DIAPH2: variants seen among roughly 807,000 people sequenced by gnomAD.
DIAPH2 encodes the protein diaphanous related formin 2.
DIAPH2 carries 35 observed loss-of-function variants against 92.7 expected under a neutral mutation model. The ratio of observed to expected loss-of-function variants is 0.38; its 90% confidence interval spans 0.29 to 0.50. The LOEUF is 0.50. Ranked by LOEUF, DIAPH2 falls within the 20% of genes least tolerant of loss-of-function variation. The pLI, the probability that DIAPH2 is intolerant of heterozygous loss-of-function variation, is 0.94. For missense variants in DIAPH2, 701 were observed against 819.5 expected, an observed-to-expected ratio of 0.86 and a Z score of 1.77; for synonymous variants, 301 against 280.4, an observed-to-expected ratio of 1.07 and a Z score of -0.73.
intron 26 of DIAPH2, among the ~76,000 whole-genome samples, chrX:97,450,303 T>C (rs192951501): frequency 8.9e-6 from 1 of 111,775 alleles, no homozygotes; most frequent in East Asian, 2.8e-4. Flanking sequence ...TTTACAGTGG[T>C]TCGAATGTAA....
chrX:97,092,966 C>G (rs1299152926), intron 19 of DIAPH2, among the ~76,000 whole-genome samples: 1 of 110,597 alleles, frequency 9.0e-6, no homozygotes, highest in African/African-American at 3.3e-5. Flanking sequence ...AGGAGAATTG[C>G]TTGAGCCCAG....
chrX:97,579,565 C>G (rs2071423681), intron 26 of DIAPH2, among the ~76,000 whole-genome samples: 1 of 111,288 alleles, frequency 9.0e-6, no homozygotes, highest in African/African-American at 3.3e-5. Flanking sequence ...GTTTTGGTTA[C>G]TGTAGCCTTG....
intron 22 of DIAPH2, among the ~76,000 whole-genome samples, chrX:97,236,640 G>C (rs2147533587): frequency 9.4e-6 from 1 of 106,480 alleles, no homozygotes; most frequent in Non-Finnish European, 1.9e-5. Flanking sequence ...CACCTCCCGG[G>C]TTCACGCCAT....
At chrX:96,769,504 C>T (rs2064324509) in intron 4 of DIAPH2, among the ~76,000 whole-genome samples, 1 of 111,906 alleles carries the variant, frequency 8.9e-6, no homozygotes, top group Admixed American at 9.5e-5. Context: ...ATTCTAATAA[C>T]ATTTACCTGC....
chrX:97,026,240 T>C (rs1395182846), intron 17 of DIAPH2, among the ~76,000 whole-genome samples: 2 of 112,183 alleles, frequency 1.8e-5, no homozygotes, highest in Non-Finnish European at 3.8e-5. Flanking sequence ...TTATGGGGAC[T>C]CATATTGTTG....
rs1454681027 is a variant in DIAPH2 at position 97,066,106 on chromosome X, TG to T, written c.2051-6833del. 2.7e-5 allele frequency among the ~76,000 whole-genome samples: 3 copies of T among 111,980 alleles called. No homozygotes were observed. The Admixed American group carries it at 2.8e-4, about 11-fold the overall frequency. ...TGAAGAAAGAACATTTCTGTGAATT[TG>T]GTGTAGCCTATGTGTACAGCCTATG... On this transcript the variant is annotated intron_variant, in intron 17 of 26. Transcript: ENST00000324765.
chrX:97,276,480 C>T (rs1728288481), intron 23 of DIAPH2, among the ~76,000 whole-genome samples: 1 of 111,461 alleles, frequency 9.0e-6, no homozygotes, highest in African/African-American at 3.3e-5. Flanking sequence ...AAAGTTCCAA[C>T]CACATCTTGT....
chrX:97,247,640 T>C, intron 22 of DIAPH2, 75 bp from the exon 23 acceptor site: 1 of 986,591 alleles, frequency 1.0e-6, no homozygotes, highest in Non-Finnish European at 1.4e-6. Flanking sequence ...AGACTTTAAC[T>C]GATAATGTCT....
intron 26 of DIAPH2, chrX:97,442,074 T>C (rs2070265084): frequency 8.8e-6 from 1 of 113,054 alleles, no homozygotes; most frequent in South Asian, 3.6e-4. Context: ...TCTGTTCTCC[T>C]ACACAATATT....
At chrX:97,120,715 G>T (rs773890667) in intron 21 of DIAPH2, among the ~76,000 whole-genome samples, 17 of 104,595 alleles carry the variant, frequency 1.6e-4, no homozygotes, top group African/African-American at 6.1e-4. Flanking sequence ...TGTGGCCCAG[G>T]GAAGCCAAAA....
At chrX:96,720,889 T>C (rs767338940) in intron 1 of DIAPH2, among the ~76,000 whole-genome samples, 2 of 111,742 alleles carry the variant, frequency 1.8e-5, no homozygotes, top group South Asian at 3.7e-4. Flanking sequence ...AATTAAAACA[T>C]ATGAGATGTA....
chrX:96,991,060 T>C (rs2066066266), intron 17 of DIAPH2, among the ~76,000 whole-genome samples: 1 of 111,288 alleles, frequency 9.0e-6, no homozygotes, highest in African/African-American at 3.3e-5. Flanking sequence ...TTGTCTTACA[T>C]GCATCAACTC....
intron 4 of DIAPH2, among the ~76,000 whole-genome samples, chrX:96,870,649 C>T (rs2065135436): frequency 9.0e-6 from 1 of 110,603 alleles, no homozygotes; most frequent in African/African-American, 3.3e-5. Context: ...ATCCTTTGGC[C>T]ATTTTACTAT....
At chrX:97,586,788 A>G (rs2071481902) in intron 26 of DIAPH2, among the ~76,000 whole-genome samples, 1 of 111,997 alleles carries the variant, frequency 8.9e-6, no homozygotes, top group Non-Finnish European at 1.9e-5. Context: ...ACTCCTGAAC[A>G]GTATACCCCT....
intron 26 of DIAPH2, among the ~76,000 whole-genome samples, chrX:97,452,304 A>C (rs1652684864): frequency 8.9e-6 from 1 of 111,758 alleles, no homozygotes; most frequent in Non-Finnish European, 1.9e-5. Context: ...TCTTGTGATT[A>C]GAGGGGGCCA....
At chrX:97,452,925 A>G (rs919044167) in intron 26 of DIAPH2, among the ~76,000 whole-genome samples, 42 of 111,859 alleles carry the variant, frequency 3.8e-4, no homozygotes, top group African/African-American at 1.3e-3. Context: ...ACTTCTTTGA[A>G]GTGTACTGCC....
intron 22 of DIAPH2, among the ~76,000 whole-genome samples, chrX:97,159,877 T>C (rs1486939736): frequency 9.0e-6 from 1 of 111,680 alleles, no homozygotes; most frequent in Non-Finnish European, 1.9e-5. Flanking sequence ...ATGAATGTCC[T>C]TCTGATCTTT....
chrX:97,136,826 TTCCTTACAA>T (rs2067173335), intron 21 of DIAPH2, among the ~76,000 whole-genome samples: 1 of 111,021 alleles, frequency 9.0e-6, no homozygotes, highest in South Asian at 3.9e-4. Flanking sequence ...AATCCTGTTT[TTCCTTACAA>T]TCTCTCTTGA....
At chrX:97,224,702 G>A (rs1437077754) in intron 22 of DIAPH2, among the ~76,000 whole-genome samples, 3 of 111,514 alleles carry the variant, frequency 2.7e-5, no homozygotes, top group Admixed American at 9.5e-5. Flanking sequence ...GTCATTCATT[G>A]TAGAAAGAGA....
Sources: gnomAD v4.1 joint callset for allele counts (sites outside exome capture counted in the v4.1 genomes callset) on GRCh38, gnomAD v4.1.1 for gene constraint, MANE v1.5 for transcripts, NCBI Gene and HGNC (gene_info 2026-07-23, HGNC 2026-07-21) for gene names.